Variants in DCAF6 observed in about 807,000 individuals in gnomAD.
The protein encoded by DCAF6 is DDB1- and CUL4-associated factor 6.
In DCAF6, 54 loss-of-function variants were observed where a neutral mutation model predicts 125.1. The observed-to-expected ratio is 0.43, with a 90% CI of 0.35 to 0.54. DCAF6 has a LOEUF of 0.54. Among genes scored for constraint, DCAF6 ranks in the 20% least tolerant of loss-of-function variants. The pLI is 0.01. For synonymous variants in DCAF6, 371 were observed against 390.4 expected (o/e 0.95, Z 0.58); for missense variants, 934 against 1,161.7 (o/e 0.80, Z 2.85).
chr1:167,936,805 G>C lies in DCAF6; in HGVS notation c.-107G>C. The stretch of plus-strand genomic sequence containing the variant: ...TCTAACGCTGCGCCCTGGAGGCCCG[G>C]CGCGCGGATGGTGCCGGTGCGGCTC... On this transcript the variant is annotated 5_prime_UTR_variant, in exon 1 of 22. Coordinates refer to ENST00000367840, the MANE Select transcript of DCAF6 (RefSeq NM_001198956.2). The C allele has an allele frequency of 9.7e-7, 1 of 1,031,966 alleles. No homozygotes were observed. Among genetic ancestry groups the C allele is most frequent in the Non-Finnish European group, 1.4e-6 (1 of 696,712 alleles). The allele number at this position is 1,031,966 out of a possible 1,614,324, so 63.9% of individuals were successfully genotyped here. A position where few individuals can be genotyped will look rare whatever the true frequency, so the allele number is the denominator to read the frequency against.
intron 8 of DCAF6, 32 bp from the exon 9 acceptor site, chr1:168,003,838 T>C (rs1447512011): frequency 1.3e-6 from 2 of 1,568,434 alleles, no homozygotes; most frequent in East Asian, 4.5e-5. Context: ...GACTTATTAC[T>C]AAACTCACTG....
At chr1:167,942,350 C>G (rs949148808) in intron 1 of DCAF6, among the ~76,000 whole-genome samples, 1 of 152,160 alleles carries the variant, frequency 6.6e-6, no homozygotes, top group African/African-American at 2.4e-5. Flanking sequence ...AAGCATGAGC[C>G]GCTGCGCCTG....
chr1:168,075,284 C>A, intron 21 of DCAF6, 87 bp from the exon 22 acceptor site: 2 of 1,227,098 alleles, frequency 1.6e-6, no homozygotes, highest in South Asian at 1.5e-5. Flanking sequence ...ATTTTTAATG[C>A]GTTTTAAATA....
intron 2 of DCAF6, among the ~76,000 whole-genome samples, chr1:167,960,344 G>A (rs1380062270): frequency 2.6e-5 from 4 of 151,956 alleles, no homozygotes; most frequent in Non-Finnish European, 5.9e-5. Context: ...TCTTGCCCAG[G>A]CTGGAGTGCA....
At chr1:168,062,913 CT>C (rs372896984) in intron 17 of DCAF6, among the ~76,000 whole-genome samples, 12,195 of 136,840 alleles carry the variant, frequency 0.089, 403 homozygotes, top group East Asian at 0.17. Flanking sequence ...TATTAATATT[CT>C]TTTTTTTTTT....
At chr1:167,996,932 C>T (rs537559594) in intron 7 of DCAF6, among the ~76,000 whole-genome samples, 1 of 152,160 alleles carries the variant, frequency 6.6e-6, no homozygotes, top group Non-Finnish European at 1.5e-5. Context: ...TACTACCTAT[C>T]CCCTTTTCTA....
the DCAF6 span, among the ~76,000 whole-genome samples, chr1:167,877,831 G>T: frequency 0.15 from 22,393 of 152,160 alleles, 1,948 homozygotes; most frequent in Middle Eastern, 0.24. Flanking sequence ...AATAGACCAG[G>T]ATTAGGTGGG....
intron 12 of DCAF6, among the ~76,000 whole-genome samples, chr1:168,026,380 G>A (rs1686346073): frequency 6.6e-6 from 1 of 152,090 alleles, no homozygotes; most frequent in South Asian, 2.1e-4. Context: ...AATGTGATCA[G>A]ATTTACATAT....
At chr1:167,887,382 C>T in the DCAF6 span, among the ~76,000 whole-genome samples, 1 of 152,204 alleles carries the variant, frequency 6.6e-6, no homozygotes, top group Non-Finnish European at 1.5e-5. Flanking sequence ...AGGATGAGTT[C>T]ACGTCCTTTG....
intron 7 of DCAF6, among the ~76,000 whole-genome samples, chr1:167,998,269 AT>A (rs1682052402): frequency 6.6e-6 from 1 of 152,214 alleles, no homozygotes; most frequent in Admixed American, 6.5e-5. Context: ...ATATACCTTA[AT>A]TTAAAAATAC....
chr1:167,915,565 C>T, the DCAF6 span, among the ~76,000 whole-genome samples: 2 of 152,196 alleles, frequency 1.3e-5, no homozygotes, highest in African/African-American at 4.8e-5. Context: ...ATTCTCCTGT[C>T]TCAGCCTCCC....
chr1:168,009,411 CTCT>C (rs1257755134), intron 10 of DCAF6, among the ~76,000 whole-genome samples: 2 of 128,606 alleles, frequency 1.6e-5, no homozygotes, highest in South Asian at 2.4e-4. Flanking sequence ...TTCTCTCTCT[CTCT>C]TTTGTTTCTT....
chr1:167,878,847 T>C, the DCAF6 span, among the ~76,000 whole-genome samples: 1 of 152,188 alleles, frequency 6.6e-6, no homozygotes. Flanking sequence ...AGTTTCTGCC[T>C]CACTTGGGAG....
intron 4 of DCAF6, among the ~76,000 whole-genome samples, chr1:167,986,966 T>C (rs557437610): frequency 6.6e-6 from 1 of 152,320 alleles, no homozygotes; most frequent in South Asian, 2.1e-4. Flanking sequence ...ATTTAAACTA[T>C]TGTTTTGAGA....
the DCAF6 span, among the ~76,000 whole-genome samples, chr1:167,892,257 C>G: frequency 6.6e-6 from 1 of 152,188 alleles, no homozygotes; most frequent in African/African-American, 2.4e-5. Context: ...CAGGCATGAG[C>G]CTGGCCTTGA....
At chr1:167,882,261 G>A in the DCAF6 span, among the ~76,000 whole-genome samples, 1 of 152,068 alleles carries the variant, frequency 6.6e-6, no homozygotes, top group East Asian at 1.9e-4. Context: ...GAGGCAGGTG[G>A]ATCACTTGAG....
rs1306518458 is a variant in DCAF6 at position 167,951,864 on chromosome 1, A to G, written c.159+3A>G. 1 of 1,598,926 alleles carries G rather than the reference A, an allele frequency of 6.3e-7. No individual in the cohort carries two copies. The highest frequency in any genetic ancestry group is 1.1e-5 in the South Asian group (1 of 90,234). On this transcript the variant is annotated splice_donor_region_variant and intron_variant, in intron 2 of 21. Transcript: ENST00000367840. ...CCCTTAATGTGCATGATGGTTGTGT[A>G]AGTAATAGTTAATTCTCAACTCTGA...
At chr1:168,025,613 A>G (rs553374742) in intron 12 of DCAF6, among the ~76,000 whole-genome samples, 86 of 152,266 alleles carry the variant, frequency 5.6e-4, no homozygotes, top group Non-Finnish European at 7.5e-4. Flanking sequence ...AAGTACTAGG[A>G]ACTTCACATT....
At position 167,993,352 on chromosome 1, in the gene DCAF6, A is replaced by G; in HGVS notation, c.815A>G (p.Tyr272Cys). The G allele has an allele frequency of 6.2e-7, 1 of 1,613,684 alleles. No homozygotes were observed. The highest frequency in any genetic ancestry group is 1.7e-4 in the Middle Eastern group (1 of 6,056). The change falls in exon 7 of 22, where the codon TAC becomes TGC. Residue 272 changes from tyrosine (Y) to cysteine (C), a missense_variant. Tyr to Cys is a radical substitution (Grantham distance 194). This residue lies in a region of DCAF6 where 309 missense variants were observed against 381.2 expected (regional missense o/e 0.81). Transcript: ENST00000367840. Reference sequence around the variant, plus strand: ...GATGGTCAAGAGATTCTCGTTAGTTACTCTTCAGATTACATATATCTTTTT... The same window carrying G: ...GATGGTCAAGAGATTCTCGTTAGTTGCTCTTCAGATTACATATATCTTTTT... ...SEDGQEILVS[Y>C]SSDYIYLFDP...
Sources: allele counts gnomAD v4.1 joint callset (sites outside exome capture counted in the v4.1 genomes callset), GRCh38; gene constraint gnomAD v4.1.1; regional missense constraint gnomAD v4.1.1; transcripts MANE v1.5; gene names NCBI Gene and HGNC (gene_info 2026-07-23, HGNC 2026-07-21).